Variants in PDE1C observed in about 807,000 individuals in gnomAD.
PDE1C encodes phosphodiesterase 1C.
PDE1C carries 62 observed loss-of-function variants against 93.1 expected under a neutral mutation model. That is an observed-to-expected ratio of 0.67 (90% CI 0.54 to 0.82). The LOEUF (loss-of-function observed/expected upper bound fraction) is 0.82. Among genes scored for constraint, PDE1C ranks in the 40% least tolerant of loss-of-function variants. The probability of loss-of-function intolerance (pLI) is 0.00; values close to 1 mark genes in which losing one functional copy is unlikely to be tolerated. For synonymous variants in PDE1C, 325 were observed against 310.1 expected (o/e 1.05, Z -0.50); for missense variants, 742 against 884.6 (o/e 0.84, Z 2.04).
At chr7:31,832,591 C>T (rs1002422743) in intron 11 of PDE1C, among the ~76,000 whole-genome samples, 1 of 152,144 alleles carries the variant, frequency 6.6e-6, no homozygotes, top group South Asian at 2.1e-4. Context: ...TAGTTAAGAA[C>T]TGAGGCAGCA....
At chr7:32,181,341 A>G (rs1385622176) in intron 2 of PDE1C, among the ~76,000 whole-genome samples, 2 of 152,216 alleles carry the variant, frequency 1.3e-5, no homozygotes, top group African/African-American at 2.4e-5. Flanking sequence ...TCAACAGAAT[A>G]TACATTCTTC....
At chr7:31,966,636 C>G (rs1267520281) in intron 2 of PDE1C, among the ~76,000 whole-genome samples, 1 of 152,176 alleles carries the variant, frequency 6.6e-6, no homozygotes, top group Non-Finnish European at 1.5e-5. Context: ...AACTCTCTAC[C>G]CTAAATCAAC....
At position 32,125,466 on chromosome 7, in the gene PDE1C, C is replaced by A. The variant is rs187504812; in HGVS notation, c.308+44319G>T. Among the ~76,000 whole-genome samples the A allele has an allele frequency of 5.1e-3, 777 of 152,216 alleles. 6 individuals are homozygous for A. Among genetic ancestry groups the A allele is most frequent in the African/African-American group, 0.018 (759 of 41,524 alleles). On this transcript the variant is annotated intron_variant, in intron 3 of 18. Transcript: ENST00000396193. ...TACAATAGCAAAGACATGGAACCAA[C>A]CCAAATGCCTATCAATGATAGACTG...
intron 3 of PDE1C, among the ~76,000 whole-genome samples, chr7:32,078,896 A>C (rs531060017): frequency 4.0e-5 from 6 of 151,436 alleles, no homozygotes; most frequent in Non-Finnish European, 5.9e-5. Context: ...ATTACACTCC[A>C]GCCTTGGCAA....
At chr7:32,193,965 A>T (rs1584937312) in intron 2 of PDE1C, among the ~76,000 whole-genome samples, 1 of 129,440 alleles carries the variant, frequency 7.7e-6, no homozygotes, top group South Asian at 2.6e-4. Flanking sequence ...CCCAGGCTGG[A>T]GTGCAGTGGC....
Position 31,815,922 on chromosome 7 carries a change from A to C in PDE1C, c.1813+2T>G. 6.3e-7 allele frequency: 1 copy of C among 1,597,212 alleles called. No homozygotes were observed. Among genetic ancestry groups the C allele is most frequent in the Non-Finnish European group, 8.6e-7 (1 of 1,164,676 alleles). ...GCCCTTCACCAGTGTAAGTCTACTC[A>C]CCATTCTGTTGCTGTTCTCCTGATG... On this transcript the variant is annotated splice_donor_variant, in intron 15 of 17. Coordinates refer to ENST00000396191, the MANE Select transcript of PDE1C (RefSeq NM_001191057.4). LOFTEE classifies it high-confidence loss of function.
At chr7:31,993,514 G>A (rs767399428) in intron 2 of PDE1C, among the ~76,000 whole-genome samples, 88 of 152,128 alleles carry the variant, frequency 5.8e-4, no homozygotes, top group African/African-American at 2.0e-3. Context: ...GAAAGCAAGC[G>A]GATGGATGAA....
chr7:31,702,567 A>C, the PDE1C span, among the ~76,000 whole-genome samples: 6 of 152,276 alleles, frequency 3.9e-5, no homozygotes, highest in African/African-American at 1.2e-4. Context: ...TTCTATTCTT[A>C]ACTAACTCTG....
At chr7:31,687,100 G>A in the PDE1C span, 1 of 152,298 alleles carries the variant, frequency 6.6e-6, no homozygotes, top group East Asian at 1.9e-4. Flanking sequence ...CGATGGAGAT[G>A]TTAGTCCTCT....
chr7:31,697,012 C>G, the PDE1C span: 1 of 1,614,128 alleles, frequency 6.2e-7, no homozygotes, highest in Admixed American at 1.7e-5. Context: ...TCAAGAGAGA[C>G]ATCCAAAGGG....
chr7:31,945,305 A>G (rs1464609173), intron 2 of PDE1C, among the ~76,000 whole-genome samples: 1 of 152,138 alleles, frequency 6.6e-6, no homozygotes, highest in South Asian at 2.1e-4. Context: ...ATTTTATTTT[A>G]TACTCATTTA....
chr7:32,364,714 C>T (rs1208720912), intron 1 of PDE1C, among the ~76,000 whole-genome samples: 4 of 152,232 alleles, frequency 2.6e-5, no homozygotes, highest in African/African-American at 9.6e-5. Context: ...GAGCACAGCA[C>T]CAACTTGAGA....
At chr7:32,407,167 T>C (rs142313973) in intron 1 of PDE1C, among the ~76,000 whole-genome samples, 6,138 of 150,092 alleles carry the variant, frequency 0.041, 154 homozygotes, top group Middle Eastern at 0.054. Flanking sequence ...CCCAGCCACT[T>C]GGGAGGCTGA....
At chr7:32,121,327 A>G (rs887636985) in intron 3 of PDE1C, among the ~76,000 whole-genome samples, 6 of 152,228 alleles carry the variant, frequency 3.9e-5, no homozygotes, top group African/African-American at 1.4e-4. Flanking sequence ...ATCCAGGAGT[A>G]CTTCCCTAAC....
chr7:31,805,750 T>C (rs1307128486), intron 16 of PDE1C, among the ~76,000 whole-genome samples: 2 of 151,808 alleles, frequency 1.3e-5, no homozygotes, highest in Non-Finnish European at 2.9e-5. Context: ...GCCATCTTGG[T>C]CTTCTTGGAT....
At chr7:31,634,691 T>C in the PDE1C span, among the ~76,000 whole-genome samples, 6 of 152,050 alleles carry the variant, frequency 3.9e-5, no homozygotes, top group East Asian at 1.9e-4. Flanking sequence ...TAAGGAGGCA[T>C]GAAAAAAATT....
chr7:31,956,369 G>A (rs1480676910), intron 2 of PDE1C, among the ~76,000 whole-genome samples: 1 of 152,094 alleles, frequency 6.6e-6, no homozygotes, highest in African/African-American at 2.4e-5. Context: ...TGGGATTACA[G>A]GTGTGAGCCA....
At chr7:31,622,878 A>T in the PDE1C span, among the ~76,000 whole-genome samples, 1 of 152,210 alleles carries the variant, frequency 6.6e-6, no homozygotes, top group Non-Finnish European at 1.5e-5. Flanking sequence ...AATAAAGAAG[A>T]AAAGAGAAGA....
the PDE1C span, among the ~76,000 whole-genome samples, chr7:31,681,148 G>A: frequency 4.6e-5 from 7 of 152,138 alleles, no homozygotes; most frequent in Non-Finnish European, 8.8e-5. Context: ...CAGACAGATT[G>A]GAATTTTTTG....
Sources: gnomAD v4.1 joint callset for allele counts (sites outside exome capture counted in the v4.1 genomes callset) on GRCh38, gnomAD v4.1.1 for gene constraint, MANE v1.5 for transcripts, NCBI Gene and HGNC (gene_info 2026-07-23, HGNC 2026-07-21) for gene names.